Variants in GUCA1B observed in about 807,000 individuals in gnomAD.
GUCA1B encodes the protein guanylate cyclase activator 1B.
A neutral mutation model predicts 24.2 loss-of-function variants in GUCA1B; 22 were observed. That is an observed-to-expected ratio of 0.91 (90% CI 0.65 to 1.30). GUCA1B has a LOEUF of 1.30. Among genes scored for constraint, GUCA1B ranks in the 50% most tolerant of loss-of-function variants. GUCA1B has a pLI of 0.00. For missense variants in GUCA1B, 221 were observed against 258.8 expected, an observed-to-expected ratio of 0.85 and a Z score of 1.00; for synonymous variants, 100 against 97.9, an observed-to-expected ratio of 1.02 and a Z score of -0.13.
At position 42,184,188 on chromosome 6, in the gene GUCA1B, C is replaced by T. The variant is rs1768153389; in HGVS notation, c.*627G>A. 6.6e-6 allele frequency among the ~76,000 whole-genome samples: 1 copy of T among 151,652 alleles called. No individual in the cohort carries two copies. Among genetic ancestry groups the T allele is most frequent in the Non-Finnish European group, 1.5e-5 (1 of 67,954 alleles). ...ACTGTAGGCTCGGCCCCCTGGGGTTCACGCCATTCTCTTGCCTCAGCCTCC... is the reference window on the plus strand; with the variant it reads ...ACTGTAGGCTCGGCCCCCTGGGGTTTACGCCATTCTCTTGCCTCAGCCTCC... On this transcript the variant is annotated 3_prime_UTR_variant, in exon 4 of 4. Coordinates refer to ENST00000230361, the MANE Select transcript of GUCA1B (RefSeq NM_002098.6).
At chr6:42,186,714 C>G (rs1376380377) in intron 2 of GUCA1B, among the ~76,000 whole-genome samples, 2 of 152,204 alleles carry the variant, frequency 1.3e-5, no homozygotes, top group Non-Finnish European at 2.9e-5. Context: ...TTATGCACCT[C>G]TATGGCCTCA....
At chr6:42,186,268 G>C (rs928554306) in intron 2 of GUCA1B, among the ~76,000 whole-genome samples, 2 of 152,156 alleles carry the variant, frequency 1.3e-5, no homozygotes, top group African/African-American at 4.8e-5. Context: ...CCTTTGCCCT[G>C]TTTCCTCTCC....
In GUCA1B at chr6:42,184,915, T is replaced by G. The variant is rs1179016978; in HGVS notation, c.503A>C (p.Glu168Ala). 1.2e-6 allele frequency: 2 copies of G among 1,614,162 alleles called. No individual in the cohort carries two copies. Among genetic ancestry groups the G allele is most frequent in the Non-Finnish European group, 1.7e-6 (2 of 1,180,004 alleles). ...CACCCACTTGTCCCGACGGGCACCTTCAACAAACTCGTTCAGAGACAGCTG... is the reference window on the plus strand; with the variant it reads ...CACCCACTTGTCCCGACGGGCACCTGCAACAAACTCGTTCAGAGACAGCTG... ...DGQLSLNEFV[E>A]GARRDKWVMK... The change falls in exon 4 of 4, where the codon GAA (glutamate) becomes GCA (alanine). Residue 168 changes from glutamate (E) to alanine (A), a missense_variant. Transcript: ENST00000230361.
intron 3 of GUCA1B, 82 bp from the exon 4 acceptor site, chr6:42,185,024 G>A (rs1343523970): frequency 7.5e-7 from 1 of 1,339,924 alleles, no homozygotes; most frequent in South Asian, 1.2e-5. Flanking sequence ...CTCGCTCCCA[G>A]GATGCGCCTA....
In GUCA1B at chr6:42,183,917, G is replaced by T. The variant is rs1044701248; in HGVS notation, c.*898C>A. On this transcript the variant is annotated 3_prime_UTR_variant, in exon 4 of 4. Transcript: ENST00000230361. ...TTAAGTACAGCTGACCCTTTCAAAGGCAGAAAGACCACAGCCTGCAGCGTA... is the reference window on the plus strand; with the variant it reads ...TTAAGTACAGCTGACCCTTTCAAAGTCAGAAAGACCACAGCCTGCAGCGTA... Among the ~76,000 whole-genome samples, 1 of 152,064 alleles carries T rather than the reference G, an allele frequency of 6.6e-6. No individual in the cohort carries two copies. The highest frequency in any genetic ancestry group is 2.4e-5 in the African/African-American group (1 of 41,394).
At position 42,194,656 on chromosome 6, in the gene GUCA1B, G is replaced by A; in HGVS notation, c.165C>T (p.Ser55=). Residue 55 remains serine, a synonymous_variant, in exon 1 of 4, where the codon TCC becomes TCT. Coordinates refer to ENST00000230361, the MANE Select transcript of GUCA1B (RefSeq NM_002098.6). ...CTCGGAACATGCCCTCTACATACTG[G>A]GAGGCCTCCTCATCGTCTGTGACCT... ...FFKVTDDEEA[S]QYVEGMFRAF... 1 of 1,613,776 alleles carries A rather than the reference G, an allele frequency of 6.2e-7. No homozygotes were observed. The highest frequency in any genetic ancestry group is 8.5e-7 in the Non-Finnish European group (1 of 1,179,690).
At chr6:42,192,737 C>A (rs1221514671) in intron 1 of GUCA1B, among the ~76,000 whole-genome samples, 1 of 151,616 alleles carries the variant, frequency 6.6e-6, no homozygotes, top group Non-Finnish European at 1.5e-5. Context: ...ATAAATAATA[C>A]AAAAATTAGC....
chr6:42,192,873 CTG>C (rs1768334428), intron 1 of GUCA1B, among the ~76,000 whole-genome samples: 1 of 152,048 alleles, frequency 6.6e-6, no homozygotes, highest in African/African-American at 2.4e-5. Flanking sequence ...GAGCGAGACT[CTG>C]TCTCAAAAAC....
chr6:42,192,413 A>G (rs1247951034), intron 1 of GUCA1B, among the ~76,000 whole-genome samples: 16 of 140,698 alleles, frequency 1.1e-4, no homozygotes, highest in Non-Finnish European at 2.2e-4. Context: ...AAGAAAAAGG[A>G]AAAAAGAAAG....
chr6:42,188,562 C>T lies in GUCA1B; in HGVS notation c.357+20G>A. On this transcript the variant is annotated intron_variant, in intron 2 of 3. Transcript: ENST00000230361. ...GTGCTCTAGTGCCCAGGCTGCTGGCCCATGGGCAGAGACACTAACCTCCAC... is the reference window on the plus strand; with the variant it reads ...GTGCTCTAGTGCCCAGGCTGCTGGCTCATGGGCAGAGACACTAACCTCCAC... 3 of 1,613,164 alleles carry T rather than the reference C, an allele frequency of 1.9e-6. 1 individual carries two copies. In the South Asian group the frequency reaches 3.3e-5, roughly 18 times the overall value.
chr6:42,185,500 G>T (rs1210916219), intron 3 of GUCA1B, among the ~76,000 whole-genome samples, 180 bp downstream of exon 3: 1 of 152,166 alleles, frequency 6.6e-6, no homozygotes, highest in Admixed American at 6.5e-5. Flanking sequence ...AGGACTTTTA[G>T]TCACTCCTAC....
intron 1 of GUCA1B, among the ~76,000 whole-genome samples, chr6:42,189,441 A>C (rs2113846568): frequency 6.6e-6 from 1 of 152,362 alleles, no homozygotes; most frequent in Middle Eastern, 3.4e-3. Context: ...TGAGTCAATG[A>C]TGGACTTGAT....
chr6:42,187,088 TCTA>T (rs1186962657), intron 2 of GUCA1B, among the ~76,000 whole-genome samples: 3 of 147,062 alleles, frequency 2.0e-5, no homozygotes, highest in African/African-American at 8.1e-5. Context: ...TTTTCTTTCT[TCTA>T]CTATCTTTCG....
chr6:42,184,248 C>A lies in GUCA1B; in HGVS notation c.*567G>T, dbSNP rs1265267805. Reference sequence around the variant, plus strand: ...GGGACTACAGGCGCCCGCCACCTCACCCGGCTGATTTTTTGTATTTTTAGT... The same window carrying A: ...GGGACTACAGGCGCCCGCCACCTCAACCGGCTGATTTTTTGTATTTTTAGT... On this transcript the variant is annotated 3_prime_UTR_variant, in exon 4 of 4. Coordinates refer to ENST00000230361, the MANE Select transcript of GUCA1B (RefSeq NM_002098.6). 6.6e-6 allele frequency among the ~76,000 whole-genome samples: 1 copy of A among 152,194 alleles called. No homozygotes were observed. The highest frequency in any genetic ancestry group is 1.5e-5 in the Non-Finnish European group (1 of 68,032).
chr6:42,190,022 G>T (rs1320020680), intron 1 of GUCA1B, among the ~76,000 whole-genome samples: 1 of 152,190 alleles, frequency 6.6e-6, no homozygotes, highest in African/African-American at 2.4e-5. Context: ...TGATGGCCCA[G>T]AGCACTTCTG....
chr6:42,191,999 C>A (rs1461243529), intron 1 of GUCA1B, among the ~76,000 whole-genome samples: 1 of 134,130 alleles, frequency 7.5e-6, no homozygotes, highest in Non-Finnish European at 1.6e-5. Flanking sequence ...TTAAAGAAGA[C>A]TAAGGAGATA....
At chr6:42,185,643 G>T in intron 3 of GUCA1B, 37 bp downstream of exon 3, 1 of 1,235,310 alleles carries the variant, frequency 8.1e-7, no homozygotes, top group South Asian at 1.2e-5. Flanking sequence ...CGATGATGCA[G>T]AGTGGACAGC....
In GUCA1B at chr6:42,184,858, C is replaced by A. The variant is rs377286851; in HGVS notation, c.560G>T (p.Ser187Ile). The change falls in exon 4 of 4, where the codon AGC (serine) becomes ATC (isoleucine). Residue 187 changes from serine to isoleucine, a missense_variant. Ser to Ile is a moderately radical substitution (Grantham distance 142). Transcript: ENST00000230361. The stretch of plus-strand genomic sequence containing the variant: ...CCGTCTCTGCTGAGCGAGCCAGCTG[C>A]TGGGATTCATGTCCATCTGCAGCAT... ...MKMLQMDMNP[S>I]SWLAQQRRKS... The A allele has an allele frequency of 1.9e-6, 3 of 1,614,178 alleles. No homozygotes were observed. Among genetic ancestry groups the A allele is most frequent in the African/African-American group, 1.3e-5 (1 of 75,066 alleles).
At chr6:42,187,340 G>A (rs1393234915) in intron 2 of GUCA1B, among the ~76,000 whole-genome samples, 2 of 151,742 alleles carry the variant, frequency 1.3e-5, no homozygotes, top group Admixed American at 6.6e-5. Context: ...TCCTGACCTC[G>A]TGATCTTCCT....
Sources: allele counts gnomAD v4.1 joint callset (sites outside exome capture counted in the v4.1 genomes callset), GRCh38; gene constraint gnomAD v4.1.1; transcripts MANE v1.5; gene names NCBI Gene and HGNC (gene_info 2026-07-23, HGNC 2026-07-21).